FGGY: variants seen among roughly 807,000 people sequenced by gnomAD.
The protein encoded by FGGY is FGGY carbohydrate kinase domain containing, also known as FGGY carbohydrate kinase domain-containing protein.
In FGGY, 72 loss-of-function variants were observed where a neutral mutation model predicts 71.3. The observed-to-expected ratio is 1.01, with a 90% confidence interval of 0.84 to 1.23. The LOEUF is 1.23. FGGY is among the 50% of genes most tolerant of loss of function. The pLI is 0.00. For missense variants in FGGY, 668 were observed against 682.3 expected, an observed-to-expected ratio of 0.98 and a Z score of 0.23; for synonymous variants, 251 against 250.3, an observed-to-expected ratio of 1.00 and a Z score of -0.02.
chr1:59,540,410 C>T lies in FGGY; in HGVS notation c.800-13714C>T, dbSNP rs577036003. ...AGGATTTTATGGCAACAAAAATGTACAAAATATTGCTACATGCAGCAGTGT... is the reference window on the plus strand; with the variant it reads ...AGGATTTTATGGCAACAAAAATGTATAAAATATTGCTACATGCAGCAGTGT... On this transcript the variant is annotated intron_variant, in intron 7 of 15. Coordinates refer to ENST00000303721, the MANE Select transcript of FGGY (RefSeq NM_018291.5). 5.9e-5 allele frequency among the ~76,000 whole-genome samples: 9 copies of T among 152,212 alleles called. No homozygotes were observed. In the South Asian group the frequency reaches 1.0e-3, roughly 18 times the overall value.
At chr1:59,525,554 CTG>C (rs1325134409) in intron 7 of FGGY, among the ~76,000 whole-genome samples, 2 of 152,182 alleles carry the variant, frequency 1.3e-5, no homozygotes, top group Admixed American at 1.3e-4. Context: ...TGGCCATACT[CTG>C]TGTGTGTTTA....
At chr1:59,466,231 C>A (rs1167536443) in intron 6 of FGGY, among the ~76,000 whole-genome samples, 1 of 152,074 alleles carries the variant, frequency 6.6e-6, no homozygotes, top group Admixed American at 6.6e-5. Context: ...CTTTGACAAA[C>A]CTGACAAAAA....
At chr1:59,553,670 A>T (rs12726523) in intron 7 of FGGY, among the ~76,000 whole-genome samples, 16,334 of 152,198 alleles carry the variant, frequency 0.11, 1,008 homozygotes, top group South Asian at 0.28. Context: ...ACCAGATTCC[A>T]TTTGGCTCCG....
At chr1:59,467,990 G>C (rs1241632288) in intron 6 of FGGY, among the ~76,000 whole-genome samples, 1 of 151,602 alleles carries the variant, frequency 6.6e-6, no homozygotes, top group African/African-American at 2.4e-5. Context: ...TGCAACCTCT[G>C]CCTCCCGGTT....
chr1:59,579,449 G>T (rs1231561407), intron 8 of FGGY, among the ~76,000 whole-genome samples: 1 of 152,076 alleles, frequency 6.6e-6, no homozygotes, highest in Non-Finnish European at 1.5e-5. Flanking sequence ...CTTTCTAATA[G>T]ATACCTAAAA....
At chr1:59,503,944 T>G (rs2094309288) in intron 6 of FGGY, among the ~76,000 whole-genome samples, 1 of 151,834 alleles carries the variant, frequency 6.6e-6, no homozygotes, top group Non-Finnish European at 1.5e-5. Flanking sequence ...AGACCCTCAT[T>G]CCAGAGAGGG....
At chr1:59,461,453 C>T (rs1218533096) in intron 6 of FGGY, among the ~76,000 whole-genome samples, 1 of 152,096 alleles carries the variant, frequency 6.6e-6, no homozygotes, top group Non-Finnish European at 1.5e-5. Context: ...GATTGGTGTA[C>T]CTGAAAGTGA....
chr1:59,615,751 A>T (rs180995510), intron 9 of FGGY, among the ~76,000 whole-genome samples: 1 of 152,332 alleles, frequency 6.6e-6, no homozygotes, highest in Admixed American at 6.5e-5. Context: ...TACTCATCTG[A>T]CAAAGGGCTA....
chr1:59,762,047 A>G (rs1013090232), intron 15 of FGGY, among the ~76,000 whole-genome samples: 2 of 149,620 alleles, frequency 1.3e-5, no homozygotes, highest in Non-Finnish European at 3.0e-5. Flanking sequence ...ACTACTTTGT[A>G]TATGCCTCTC....
intron 7 of FGGY, among the ~76,000 whole-genome samples, chr1:59,515,127 G>T (rs2094609161): frequency 6.6e-6 from 1 of 152,146 alleles, no homozygotes; most frequent in Admixed American, 6.6e-5. Context: ...CACAGAGGCA[G>T]CGCTGCCCAA....
chr1:59,375,067 A>G (rs182171624), intron 4 of FGGY, among the ~76,000 whole-genome samples: 2 of 145,968 alleles, frequency 1.4e-5, no homozygotes, highest in Non-Finnish European at 3.0e-5. Context: ...AAGTATAATA[A>G]TAATAAAAAA....
At chr1:59,674,746 T>C (rs1361265803) in intron 14 of FGGY, among the ~76,000 whole-genome samples, 1 of 152,150 alleles carries the variant, frequency 6.6e-6, no homozygotes, top group Admixed American at 6.5e-5. Flanking sequence ...TAGTTTCTGG[T>C]GAGAGGGAAA....
chr1:59,718,968 T>C (rs751715387), intron 14 of FGGY, among the ~76,000 whole-genome samples: 3 of 152,288 alleles, frequency 2.0e-5, no homozygotes, highest in Middle Eastern at 3.4e-3. Flanking sequence ...CTCAGAACAA[T>C]TGACTTTTGC....
At chr1:59,523,399 C>G (rs1045327044) in intron 7 of FGGY, among the ~76,000 whole-genome samples, 2 of 152,254 alleles carry the variant, frequency 1.3e-5, no homozygotes, top group Non-Finnish European at 2.9e-5. Context: ...AGGCGGCAGC[C>G]TCACATCTAA....
At chr1:59,388,208 A>G (rs1452878364) in intron 5 of FGGY, among the ~76,000 whole-genome samples, 1 of 152,154 alleles carries the variant, frequency 6.6e-6, no homozygotes, top group East Asian at 1.9e-4. Flanking sequence ...GCTTAGCAAT[A>G]TGAATCCAGA....
intron 14 of FGGY, among the ~76,000 whole-genome samples, chr1:59,747,390 C>T (rs188324417): frequency 4.6e-5 from 7 of 152,274 alleles, no homozygotes; most frequent in Admixed American, 2.0e-4. Context: ...TCCCCTGTGC[C>T]GTATTTGCCC....
chr1:59,345,098 T>C (rs79381986), intron 3 of FGGY, among the ~76,000 whole-genome samples: 2,374 of 152,298 alleles, frequency 0.016, 47 homozygotes, highest in African/African-American at 0.054. Context: ...GTTAAAAACC[T>C]GTATCAGAGG....
intron 10 of FGGY, among the ~76,000 whole-genome samples, chr1:59,630,917 C>T (rs1174937582): frequency 6.6e-6 from 1 of 152,182 alleles, no homozygotes; most frequent in African/African-American, 2.4e-5. Flanking sequence ...CAAAGCATCG[C>T]CTGTACTCTT....
At chr1:59,406,650 G>C (rs2062805288) in intron 5 of FGGY, among the ~76,000 whole-genome samples, 1 of 152,120 alleles carries the variant, frequency 6.6e-6, no homozygotes, top group South Asian at 2.1e-4. Flanking sequence ...ATAACTGGAG[G>C]CTCAGAGGAA....
Sources: allele counts gnomAD v4.1 joint callset (sites outside exome capture counted in the v4.1 genomes callset), GRCh38; gene constraint gnomAD v4.1.1; transcripts MANE v1.5; gene names NCBI Gene and HGNC (gene_info 2026-07-23, HGNC 2026-07-21).